Variants in CTNNA2 observed in about 807,000 individuals in gnomAD.
CTNNA2 encodes catenin alpha-2.
In CTNNA2, 42 loss-of-function variants were observed where a neutral mutation model predicts 101.0. The ratio of observed to expected loss-of-function variants is 0.42; its 90% CI spans 0.32 to 0.54. The LOEUF is 0.54. Ranked by LOEUF, CTNNA2 falls within the 20% of genes least tolerant of loss-of-function variation. CTNNA2 has a pLI of 0.14. For missense variants in CTNNA2, 871 were observed against 1,223.1 expected (o/e 0.71, Z 4.29); for synonymous variants, 450 against 456.4 (o/e 0.99, Z 0.18).
At chr2:80,590,116 T>C (rs1409522184) in intron 15 of CTNNA2, among the ~76,000 whole-genome samples, 1 of 152,236 alleles carries the variant, frequency 6.6e-6, no homozygotes, top group Non-Finnish European at 1.5e-5. Flanking sequence ...AGTCAGAATT[T>C]TGTCAGGAGA....
intron 7 of CTNNA2, among the ~76,000 whole-genome samples, chr2:80,280,678 A>T (rs1012785983): frequency 6.6e-6 from 1 of 152,138 alleles, no homozygotes; most frequent in Non-Finnish European, 1.5e-5. Context: ...AAAATGTTCC[A>T]TGGACAATTC....
chr2:80,224,742 G>A (rs567874399), intron 7 of CTNNA2, among the ~76,000 whole-genome samples: 1 of 152,074 alleles, frequency 6.6e-6, no homozygotes, highest in Non-Finnish European at 1.5e-5. Flanking sequence ...CTCGTGCCCA[G>A]CCACAGCTGC....
At chr2:80,047,194 A>G (rs1696586198) in intron 7 of CTNNA2, among the ~76,000 whole-genome samples, 1 of 152,222 alleles carries the variant, frequency 6.6e-6, no homozygotes, top group Non-Finnish European at 1.5e-5. Context: ...CTGCAGGCTT[A>G]CACTGTCCAA....
chr2:79,796,921 G>A (rs1573992155), intron 3 of CTNNA2, among the ~76,000 whole-genome samples: 1 of 152,184 alleles, frequency 6.6e-6, no homozygotes, highest in East Asian at 1.9e-4. Flanking sequence ...TATGACTCAT[G>A]AAGCTCAGTC....
At chr2:79,980,259 T>A (rs1271104627) in intron 7 of CTNNA2, among the ~76,000 whole-genome samples, 1 of 152,172 alleles carries the variant, frequency 6.6e-6, no homozygotes, top group Non-Finnish European at 1.5e-5. Context: ...CATTTTTAAA[T>A]GCAAGTTTAA....
intron 3 of CTNNA2, among the ~76,000 whole-genome samples, chr2:79,815,192 T>C (rs1159889909): frequency 1.3e-5 from 2 of 152,186 alleles, no homozygotes; most frequent in African/African-American, 4.8e-5. Flanking sequence ...GATGTATAGA[T>C]TGTGAAGATT....
intron 7 of CTNNA2, among the ~76,000 whole-genome samples, chr2:80,004,708 T>TCC (rs1558720072): frequency 1.5e-5 from 2 of 133,730 alleles, no homozygotes; most frequent in African/African-American, 5.4e-5. Context: ...TTTATTTATT[T>TCC]ATCCATCCAT....
At chr2:79,841,562 G>T (rs1196984913) in intron 3 of CTNNA2, among the ~76,000 whole-genome samples, 1 of 152,048 alleles carries the variant, frequency 6.6e-6, no homozygotes, top group African/African-American at 2.4e-5. Context: ...GCTCCTTTTG[G>T]TCTAAATTAG....
intron 7 of CTNNA2, among the ~76,000 whole-genome samples, chr2:80,257,990 C>G (rs537799312): frequency 6.6e-6 from 1 of 152,160 alleles, no homozygotes; most frequent in Admixed American, 6.5e-5. Flanking sequence ...TTGCACACTG[C>G]GCAAAGTAAG....
At chr2:79,932,708 T>C (rs145679199) in intron 7 of CTNNA2, among the ~76,000 whole-genome samples, 196 of 152,322 alleles carry the variant, frequency 1.3e-3, no homozygotes, top group African/African-American at 4.4e-3. Context: ...CAAGACTTTG[T>C]ACATTTTAAC....
intron 3 of CTNNA2, among the ~76,000 whole-genome samples, chr2:79,780,184 C>T (rs1011572508): frequency 6.6e-6 from 1 of 152,152 alleles, no homozygotes; most frequent in African/African-American, 2.4e-5. Flanking sequence ...CCAGACTGAA[C>T]CAATGTACAT....
At chr2:80,643,986 T>C (rs1446188022) in intron 18 of CTNNA2, among the ~76,000 whole-genome samples, 1 of 152,124 alleles carries the variant, frequency 6.6e-6, no homozygotes, top group Non-Finnish European at 1.5e-5. Flanking sequence ...GTTGCCAGGT[T>C]TAGGGGACAG....
intron 3 of CTNNA2, among the ~76,000 whole-genome samples, chr2:79,338,702 T>C (rs528468226): frequency 2.4e-4 from 37 of 151,454 alleles, no homozygotes; most frequent in Non-Finnish European, 4.6e-4. Context: ...CAAAATATAA[T>C]AATGGAGACA....
chr2:80,622,903 A>G (rs1039189949), intron 18 of CTNNA2, among the ~76,000 whole-genome samples: 9 of 151,652 alleles, frequency 5.9e-5, no homozygotes, highest in African/African-American at 1.9e-4. Flanking sequence ...CATGGCTTCT[A>G]ATTTCCTATT....
chr2:79,655,242 T>C (rs1681529087), intron 2 of CTNNA2, among the ~76,000 whole-genome samples: 1 of 152,214 alleles, frequency 6.6e-6, no homozygotes, highest in African/African-American at 2.4e-5. Flanking sequence ...CCTATAAGTA[T>C]ATTTAATCCT....
At chr2:79,325,657 G>T (rs1231043211) in intron 3 of CTNNA2, among the ~76,000 whole-genome samples, 1 of 152,180 alleles carries the variant, frequency 6.6e-6, no homozygotes, top group Non-Finnish European at 1.5e-5. Context: ...TCACTGTGGG[G>T]ACGGGGGATC....
At chr2:79,593,885 T>G (rs1379941819) in intron 1 of CTNNA2, among the ~76,000 whole-genome samples, 7 of 120,668 alleles carry the variant, frequency 5.8e-5, no homozygotes, top group African/African-American at 1.2e-4. Context: ...TTTTAGTTTT[T>G]TTTTTTTTTT....
At chr2:80,357,917 A>G (rs1673996648) in intron 7 of CTNNA2, among the ~76,000 whole-genome samples, 1 of 152,158 alleles carries the variant, frequency 6.6e-6, no homozygotes, top group South Asian at 2.1e-4. Context: ...GGGTGCTCTT[A>G]GAACATGAGA....
chr2:79,544,385 CTTTCT>C (rs914268802), intron 1 of CTNNA2, among the ~76,000 whole-genome samples: 17 of 152,214 alleles, frequency 1.1e-4, no homozygotes, highest in Non-Finnish European at 1.0e-4. Context: ...ATGAACATGG[CTTTCT>C]TTTCTTTTCT....
Sources: allele counts gnomAD v4.1 joint callset (sites outside exome capture counted in the v4.1 genomes callset), GRCh38; gene constraint gnomAD v4.1.1; transcripts MANE v1.5; gene names NCBI Gene and HGNC (gene_info 2026-07-23, HGNC 2026-07-21).